GMDS: variants seen among roughly 807,000 people sequenced by gnomAD.
The protein encoded by GMDS is GDP-mannose 4,6-dehydratase, also known as GDP-mannose 4,6 dehydratase.
Under a neutral mutation model 49.9 loss-of-function variants are expected in GMDS, and 20 were observed. The observed-to-expected ratio is 0.40, with a 90% CI of 0.28 to 0.58. The LOEUF (loss-of-function observed/expected upper bound fraction) is 0.58. GMDS is among the 20% of genes least tolerant of loss of function. GMDS has a pLI of 0.42. For synonymous variants in GMDS, 177 were observed against 178.6 expected (o/e 0.99, Z 0.07); for missense variants, 362 against 481.4 (o/e 0.75, Z 2.32).
At chr6:1,955,564 C>A (rs1763588624) in intron 6 of GMDS, among the ~76,000 whole-genome samples, 1 of 152,138 alleles carries the variant, frequency 6.6e-6, no homozygotes, top group South Asian at 2.1e-4. Context: ...GTGCCATCCA[C>A]CCTCTTGCTT....
chr6:2,202,337 C>G (rs1161370226), intron 1 of GMDS, among the ~76,000 whole-genome samples: 2 of 143,782 alleles, frequency 1.4e-5, no homozygotes, highest in Non-Finnish European at 3.1e-5. Context: ...ACACCACATG[C>G]ACATCCGAGA....
chr6:1,697,705 G>C (rs1765392952), intron 9 of GMDS, among the ~76,000 whole-genome samples: 1 of 152,188 alleles, frequency 6.6e-6, no homozygotes, highest in African/African-American at 2.4e-5. Context: ...ATCTGGGTTT[G>C]AATGAGCCTT....
chr6:2,175,803 AGCC>A, intron 1 of GMDS: 1 of 605,520 alleles, frequency 1.7e-6, no homozygotes, highest in Non-Finnish European at 2.9e-6. Flanking sequence ...ACATTTATAT[AGCC>A]CTTAAAACAT....
rs1054197163 is a variant in GMDS at position 2,064,447 on chromosome 6, G to A, written c.345+51324C>T. Among the ~76,000 whole-genome samples the A allele has an allele frequency of 5.9e-5, 9 of 152,194 alleles. 1 individual carries two copies. Among genetic ancestry groups the A allele is most frequent in the Admixed American group, 5.9e-4 (9 of 15,278 alleles). ...GACCAATCATGCTTACATACTTGAT[G>A]CAAAATCCTTCTTGACTGAATACTT... On this transcript the variant is annotated intron_variant, in intron 4 of 10. Coordinates refer to ENST00000380815, the MANE Select transcript of GMDS (RefSeq NM_001500.4).
At chr6:2,045,629 C>CT (rs1267495380) in intron 4 of GMDS, among the ~76,000 whole-genome samples, 1 of 151,876 alleles carries the variant, frequency 6.6e-6, no homozygotes, top group Non-Finnish European at 1.5e-5. Context: ...TTGCTTGTTT[C>CT]TACAAGAGGT....
chr6:1,755,125 G>C (rs1767891986), intron 7 of GMDS, among the ~76,000 whole-genome samples: 1 of 152,162 alleles, frequency 6.6e-6, no homozygotes, highest in Non-Finnish European at 1.5e-5. Flanking sequence ...TGTATATTTA[G>C]AAAACCCCAC....
Position 2,191,376 on chromosome 6 carries a change from G to A in GMDS, c.102+53945C>T, listed in dbSNP as rs1038444336. On this transcript the variant is annotated intron_variant, in intron 1 of 10. Transcript: ENST00000380815. The surrounding 1 kb of genome is among the most constrained non-coding windows in gnomAD (Gnocchi z 4.6). ...GCCCAGCAAGGACCTAGAGCCCCCA[G>A]GCTGCAAGGGGGCACAGCTGGGACT... Among the ~76,000 whole-genome samples, 1 of 152,160 alleles carries A rather than the reference G, an allele frequency of 6.6e-6. No homozygotes were observed. The highest frequency in any genetic ancestry group is 2.4e-5 in the African/African-American group (1 of 41,448).
intron 1 of GMDS, among the ~76,000 whole-genome samples, chr6:2,243,742 A>G (rs1781720397): frequency 6.6e-6 from 1 of 152,010 alleles, no homozygotes. Context: ...TACCTTAAGC[A>G]AAGCAAGATG....
rs1391950041 is a variant in GMDS, at chr6:1,693,463, C to T, written c.987+32953G>A. Among the ~76,000 whole-genome samples the T allele has an allele frequency of 2.0e-5, 3 of 152,254 alleles. No homozygotes were observed. The East Asian group carries it at 5.8e-4, about 29-fold the overall frequency. On this transcript the variant is annotated intron_variant, in intron 9 of 10. Transcript: ENST00000380815. Reference sequence around the variant, plus strand: ...CCCCATGCCTCATCCTGTTCAGTCTCCCAGCAGTGAGCTAGGGTACTCGAA... The same window carrying T: ...CCCCATGCCTCATCCTGTTCAGTCTTCCAGCAGTGAGCTAGGGTACTCGAA...
rs150992952 is a variant in GMDS at position 2,125,465 on chromosome 6, G to A, written c.103-734C>T. Reference sequence around the variant, plus strand: ...AAAAATTAGCCAGTCTTGGTGGCTCGTGCCTATGGTACCAGCTACTTGGGA... The same window carrying A: ...AAAAATTAGCCAGTCTTGGTGGCTCATGCCTATGGTACCAGCTACTTGGGA... On this transcript the variant is annotated intron_variant, in intron 1 of 10. Transcript: ENST00000380815. 2.9e-3 allele frequency among the ~76,000 whole-genome samples: 445 copies of A among 152,160 alleles called. 2 individuals are homozygous for A. Among genetic ancestry groups the A allele is most frequent in the Admixed American group, 4.8e-3 (74 of 15,274 alleles).
At chr6:2,039,112 C>G (rs3004058) in intron 4 of GMDS, among the ~76,000 whole-genome samples, 10 of 152,176 alleles carry the variant, frequency 6.6e-5, no homozygotes, top group African/African-American at 1.9e-4. Context: ...GTACAGCAGG[C>G]TGCTGTACTG....
At chr6:2,102,029 GACAA>G (rs1411182776) in intron 4 of GMDS, among the ~76,000 whole-genome samples, 1 of 151,968 alleles carries the variant, frequency 6.6e-6, no homozygotes, top group Non-Finnish European at 1.5e-5. Context: ...AAGTAAGAAA[GACAA>G]ACAAGGCAAG....
At chr6:2,105,181 C>CAA (rs530164439) in intron 4 of GMDS, among the ~76,000 whole-genome samples, 720 of 63,254 alleles carry the variant, frequency 0.011, 3 homozygotes, top group African/African-American at 0.017. Flanking sequence ...GACTCCGTCT[C>CAA]AAAAAAAAAA....
chr6:1,926,231 TAAGGA>T (rs1761999048), intron 7 of GMDS, among the ~76,000 whole-genome samples: 1 of 152,094 alleles, frequency 6.6e-6, no homozygotes, highest in African/African-American at 2.4e-5. Flanking sequence ...GTCCTGGAGA[TAAGGA>T]AAGGGGTCTA....
intron 1 of GMDS, among the ~76,000 whole-genome samples, chr6:2,225,298 C>A (rs1205069257): frequency 1.3e-5 from 2 of 152,152 alleles, no homozygotes; most frequent in Non-Finnish European, 2.9e-5. Context: ...CCACCGCACT[C>A]CATCCTGAGT....
chr6:2,011,142 A>G (rs1385257415), intron 4 of GMDS, among the ~76,000 whole-genome samples: 1 of 152,240 alleles, frequency 6.6e-6, no homozygotes, highest in East Asian at 1.9e-4. Context: ...AGCAAAGGAC[A>G]TGAACAGATA....
rs186602536 is a variant in GMDS at position 2,236,758 on chromosome 6, A to C, written c.102+8563T>G. ...GTTTTGATTTTAAAAGATTTCTAAA[A>C]GTGCCAATTAGAGGCTTTTTCACTC... On this transcript the variant is annotated intron_variant, in intron 1 of 10. Coordinates refer to ENST00000380815, the MANE Select transcript of GMDS (RefSeq NM_001500.4). Among the ~76,000 whole-genome samples, 722 of 152,358 alleles carry C rather than the reference A, an allele frequency of 4.7e-3. 5 individuals carry two copies. Among genetic ancestry groups the C allele is most frequent in the Non-Finnish European group, 7.1e-3 (480 of 68,032 alleles).
intron 9 of GMDS, among the ~76,000 whole-genome samples, chr6:1,665,824 C>T (rs1764217877): frequency 6.6e-6 from 1 of 152,196 alleles, no homozygotes; most frequent in South Asian, 2.1e-4. Flanking sequence ...TGTCTTCAGG[C>T]TACAAGGAAG....
chr6:1,947,422 C>A (rs1053122400), intron 6 of GMDS, among the ~76,000 whole-genome samples: 12 of 152,208 alleles, frequency 7.9e-5, no homozygotes, highest in Non-Finnish European at 1.8e-4. Flanking sequence ...TCCTGGGTAC[C>A]TCTACCAAGC....
Sources: allele counts gnomAD v4.1 joint callset (sites outside exome capture counted in the v4.1 genomes callset), GRCh38; gene constraint gnomAD v4.1.1; non-coding constraint Gnocchi (gnomAD v3.1); transcripts MANE v1.5; gene names NCBI Gene and HGNC (gene_info 2026-07-23, HGNC 2026-07-21).